FAT3: variants seen among roughly 807,000 people sequenced by gnomAD.
FAT3 encodes the protein FAT atypical cadherin 3.
A neutral mutation model predicts 310.2 loss-of-function variants in FAT3; 95 were observed. The ratio of observed to expected loss-of-function variants is 0.31; its 90% confidence interval spans 0.26 to 0.36. The LOEUF (loss-of-function observed/expected upper bound fraction) is 0.36. Ranked by LOEUF, FAT3 falls within the 10% of genes least tolerant of loss-of-function variation. FAT3 has a pLI of 1.00. For missense variants in FAT3, 5,408 were observed against 5,715.6 expected (o/e 0.95, Z 1.74); for synonymous variants, 2,314 against 2,192.9 (o/e 1.06, Z -1.54).
intron 19 of FAT3, among the ~76,000 whole-genome samples, 166 bp downstream of exon 19, chr11:92,844,898 G>T (rs1446986271): frequency 1.3e-5 from 2 of 152,262 alleles, no homozygotes; most frequent in African/African-American, 4.8e-5. Flanking sequence ...AGGAGGTACA[G>T]TCCCATGTAG....
At chr11:92,763,438 A>T (rs1946213566) in intron 5 of FAT3, among the ~76,000 whole-genome samples, 1 of 151,876 alleles carries the variant, frequency 6.6e-6, no homozygotes, top group Admixed American at 6.6e-5. Context: ...GAATCTGAGG[A>T]CTGGATAGAT....
At chr11:92,278,878 T>C (rs1043412449) in intron 1 of FAT3, among the ~76,000 whole-genome samples, 1 of 152,130 alleles carries the variant, frequency 6.6e-6, no homozygotes. Flanking sequence ...TGGAGTAGGA[T>C]ATGGTCCATG....
intron 2 of FAT3, among the ~76,000 whole-genome samples, chr11:92,416,383 CAAA>C (rs60702258): frequency 3.8e-4 from 41 of 107,946 alleles, no homozygotes; most frequent in Non-Finnish European, 7.1e-4. Context: ...GACTCCATCT[CAAA>C]AAAAAAAAAA....
intron 3 of FAT3, among the ~76,000 whole-genome samples, chr11:92,640,880 T>G (rs747809762): frequency 6.6e-6 from 1 of 152,094 alleles, no homozygotes; most frequent in Non-Finnish European, 1.5e-5. Context: ...CAACCCAGGA[T>G]GATGAAGGAA....
intron 6 of FAT3, among the ~76,000 whole-genome samples, chr11:92,768,972 A>G (rs1050641255): frequency 1.3e-5 from 2 of 152,214 alleles, no homozygotes; most frequent in African/African-American, 4.8e-5. Flanking sequence ...GTGAGCAGAA[A>G]TAGTGTTTCA....
At chr11:92,416,071 T>TA (rs398017104) in intron 2 of FAT3, among the ~76,000 whole-genome samples, 5,950 of 73,722 alleles carry the variant, frequency 0.081, 302 homozygotes, top group African/African-American at 0.12. Flanking sequence ...CCTGGAAGCC[T>TA]AAAAAAAAAA....
chr11:92,839,821 CCTTTGA>C (rs1270204546), intron 17 of FAT3, among the ~76,000 whole-genome samples: 3 of 152,170 alleles, frequency 2.0e-5, no homozygotes, highest in Non-Finnish European at 2.9e-5. Flanking sequence ...GTGAGGATGA[CCTTTGA>C]CCCAAGAAGG....
intron 1 of FAT3, among the ~76,000 whole-genome samples, chr11:92,279,578 T>G (rs1946368758): frequency 6.6e-6 from 1 of 152,178 alleles, no homozygotes; most frequent in Non-Finnish European, 1.5e-5. Context: ...CATAATATTT[T>G]ACATATTTAT....
chr11:92,445,186 A>G (rs1951180994), intron 2 of FAT3, among the ~76,000 whole-genome samples: 1 of 152,226 alleles, frequency 6.6e-6, no homozygotes. Context: ...AGTCTATGGT[A>G]CTTTGTTATG....
At chr11:92,744,780 C>CA (rs148457184) in intron 4 of FAT3, among the ~76,000 whole-genome samples, 2 of 150,998 alleles carry the variant, frequency 1.3e-5, no homozygotes, top group South Asian at 4.2e-4. Context: ...CTGTATGGGC[C>CA]AAAAAAAAGA....
intron 2 of FAT3, among the ~76,000 whole-genome samples, chr11:92,421,304 AT>A (rs1950528731): frequency 1.3e-5 from 2 of 152,202 alleles, no homozygotes; most frequent in Non-Finnish European, 1.5e-5. Flanking sequence ...ATTTTTTTCT[AT>A]TTTTTGATAA....
At chr11:92,735,332 C>G (rs1392831939) in intron 4 of FAT3, among the ~76,000 whole-genome samples, 1 of 152,084 alleles carries the variant, frequency 6.6e-6, no homozygotes, top group Non-Finnish European at 1.5e-5. Flanking sequence ...AGGGTCTTTC[C>G]TGGAAGAGGC....
intron 13 of FAT3, among the ~76,000 whole-genome samples, chr11:92,823,242 T>G (rs917133671): frequency 6.6e-6 from 1 of 152,186 alleles, no homozygotes; most frequent in African/African-American, 2.4e-5. Flanking sequence ...TGGGTAGCTA[T>G]CCAGCACAGA....
At chr11:92,626,867 T>C (rs1941359741) in intron 3 of FAT3, among the ~76,000 whole-genome samples, 1 of 152,192 alleles carries the variant, frequency 6.6e-6, no homozygotes, top group African/African-American at 2.4e-5. Flanking sequence ...ATGGTGCTTG[T>C]TCTGCTATGG....
intron 3 of FAT3, among the ~76,000 whole-genome samples, chr11:92,658,732 G>C (rs1207717193): frequency 6.6e-6 from 1 of 152,140 alleles, no homozygotes; most frequent in African/African-American, 2.4e-5. Flanking sequence ...TCTAAAAGTA[G>C]AGATGCTTGT....
At chr11:92,254,524 T>C (rs555475420) in intron 1 of FAT3, among the ~76,000 whole-genome samples, 64 of 152,250 alleles carry the variant, frequency 4.2e-4, no homozygotes, top group African/African-American at 1.4e-3. Flanking sequence ...TTTTTATATA[T>C]TAAAACTTTC....
At chr11:92,497,559 G>T (rs956179670) in intron 2 of FAT3, among the ~76,000 whole-genome samples, 3 of 151,984 alleles carry the variant, frequency 2.0e-5, no homozygotes, top group Non-Finnish European at 2.9e-5. Context: ...TGTAATAGTT[G>T]GCTGGAGGTC....
rs116539281 is a variant in FAT3 at position 92,790,340 on chromosome 11, C to T, written c.4611+122C>T. 1.1e-3 allele frequency: 1,217 copies of T among 1,067,278 alleles called. 11 individuals are homozygous for T. In the African/African-American group the frequency reaches 0.017, roughly 15 times the overall value. 66.1% of individuals were successfully genotyped at this position (1,067,278 alleles called of 1,614,324 possible). ...AGTAGTTGTAAATTTAGTCTTTTCACAGAGAGATTGCATTCATTTTTGCCT... is the reference window on the plus strand; with the variant it reads ...AGTAGTTGTAAATTTAGTCTTTTCATAGAGAGATTGCATTCATTTTTGCCT... On this transcript the variant is annotated intron_variant, in intron 8 of 27. Coordinates refer to ENST00000525166, the MANE Select transcript of FAT3 (RefSeq NM_001367949.2).
At chr11:92,587,772 C>G (rs1233229118) in intron 3 of FAT3, among the ~76,000 whole-genome samples, 1 of 151,866 alleles carries the variant, frequency 6.6e-6, no homozygotes, top group Admixed American at 6.6e-5. Context: ...GAACGTGTTC[C>G]TCCTTCCTTT....
Sources: allele counts gnomAD v4.1 joint callset (sites outside exome capture counted in the v4.1 genomes callset), GRCh38; gene constraint gnomAD v4.1.1; transcripts MANE v1.5; gene names NCBI Gene and HGNC (gene_info 2026-07-23, HGNC 2026-07-21).